The following PPARGC1B variants were observed in gnomAD, a reference collection of about 807,000 sequenced individuals.
PPARGC1B encodes peroxisome proliferator-activated receptor gamma coactivator 1-beta.
A neutral mutation model predicts 101.6 loss-of-function variants in PPARGC1B; 34 were observed. The ratio of observed to expected loss-of-function variants is 0.33; its 90% CI spans 0.25 to 0.45. PPARGC1B has a LOEUF of 0.45. PPARGC1B is among the 20% of genes least tolerant of loss of function. PPARGC1B has a pLI of 1.00. For synonymous variants in PPARGC1B, 548 were observed against 539.3 expected (o/e 1.02, Z -0.22); for missense variants, 1,234 against 1,317.6 (o/e 0.94, Z 0.98).
intron 1 of PPARGC1B, among the ~76,000 whole-genome samples, chr5:149,809,079 C>T (rs372967207): frequency 1.1e-4 from 16 of 151,356 alleles, no homozygotes; most frequent in African/African-American, 2.4e-4. Context: ...AGTTTGAGAC[C>T]GGCCTGGACA....
intron 1 of PPARGC1B, among the ~76,000 whole-genome samples, chr5:149,764,931 A>G (rs563664346): frequency 6.6e-6 from 1 of 152,146 alleles, no homozygotes; most frequent in African/African-American, 2.4e-5. Context: ...CTTAGGAGAG[A>G]GTAGTACCCA....
chr5:149,762,096 G>C (rs1420737060), intron 1 of PPARGC1B, among the ~76,000 whole-genome samples: 1 of 151,810 alleles, frequency 6.6e-6, no homozygotes, highest in Non-Finnish European at 1.5e-5. Context: ...GATGGGATAA[G>C]TGCAAGGGCA....
In PPARGC1B at chr5:149,840,132, G is replaced by A; in HGVS notation, c.2694+16G>A. 1.2e-6 allele frequency: 2 copies of A among 1,605,914 alleles called. No homozygotes were observed. The highest frequency in any genetic ancestry group is 1.1e-5 in the South Asian group (1 of 89,580). On this transcript the variant is annotated intron_variant, in intron 9 of 11. Coordinates refer to ENST00000309241, the MANE Select transcript of PPARGC1B (RefSeq NM_133263.4). ...AAAGGCCATTGTAAGTGATCTGGGG[G>A]CCCAGAGCCTGGAGTGAATGGGAAC...
chr5:149,820,296 C>A (rs1758235763), intron 1 of PPARGC1B, 137 bp from the exon 2 acceptor site: 1 of 777,714 alleles, frequency 1.3e-6, no homozygotes, highest in Non-Finnish European at 2.1e-6. Flanking sequence ...TGAAGCTGAT[C>A]TTTCCATTTC....
In PPARGC1B at chr5:149,830,775, GCTC is replaced by G. The variant is rs1347110511; in HGVS notation, c.480_482del (p.Leu161del). 6.2e-7 allele frequency: 1 copy of G among 1,613,762 alleles called. No individual in the cohort carries two copies. Reference sequence around the variant, plus strand: ...CTCTGCTTTTCCCTCAGCTGCAGAAGCTCCTCCTGGCCACATCCTACCCAACAT... The same window carrying G: ...CTCTGCTTTTCCCTCAGCTGCAGAAGCTCCTGGCCACATCCTACCCAACAT... On this transcript the variant is annotated inframe_deletion, in exon 4 of 12. Transcript: ENST00000309241.
chr5:149,754,774 ATTTTTTT>A (rs10560122), intron 1 of PPARGC1B, among the ~76,000 whole-genome samples: 4 of 68,408 alleles, frequency 5.8e-5, no homozygotes, highest in African/African-American at 2.3e-4. Flanking sequence ...GAGCATCCTG[ATTTTTTT>A]TTTTTTTTTT....
At position 149,833,810 on chromosome 5, in the gene PPARGC1B, G is replaced by A. The variant is rs1341918015; in HGVS notation, c.1705+32G>A. On this transcript the variant is annotated intron_variant, in intron 5 of 11. Coordinates refer to ENST00000309241, the MANE Select transcript of PPARGC1B (RefSeq NM_133263.4). The surrounding 1 kb of genome is among the most constrained non-coding windows in gnomAD (Gnocchi z 4.1). ...AGAGTTGGTGGTCTGCGAAGTGGGG[G>A]CAGGGATGGGGTGCAGCATGCCCCT... is the stretch of plus-strand genomic sequence containing the variant. 6.2e-6 allele frequency: 9 copies of A among 1,457,144 alleles called. No individual in the cohort carries two copies. The highest frequency in any genetic ancestry group is 1.4e-5 in the African/African-American group (1 of 70,936). The allele number at this position is 1,457,144 out of a possible 1,614,324, so 90.3% of individuals were successfully genotyped here.
At position 149,833,857 on chromosome 5, in the gene PPARGC1B, C is replaced by G; in HGVS notation, c.1705+79C>G. The G allele has an allele frequency of 2.1e-6, 3 of 1,421,590 alleles. No individual in the cohort carries two copies. Among genetic ancestry groups the G allele is most frequent in the Non-Finnish European group, 2.7e-6 (3 of 1,092,528 alleles). The allele number at this position is 1,421,590 out of a possible 1,614,324, so 88.1% of individuals were successfully genotyped here. A position where few individuals can be genotyped will look rare whatever the true frequency, so the allele number is the denominator to read the frequency against. On this transcript the variant is annotated intron_variant, in intron 5 of 11. Coordinates refer to ENST00000309241, the MANE Select transcript of PPARGC1B (RefSeq NM_133263.4). This position sits in a 1 kb window ranked among gnomAD's most constrained non-coding sequence, Gnocchi z 4.1. The stretch of plus-strand genomic sequence containing the variant: ...CCCTCTGCACTGGGAGCCAGGAGCC[C>G]TGTGTTCAAGTCCCCGTCCCCCAAC...
In PPARGC1B at chr5:149,755,052, C is replaced by CATATATATATATATATATATAT. The variant is rs1199839991; in HGVS notation, c.78+24653_78+24654insTATATATATATATATATATATA. Among the ~76,000 whole-genome samples the CATATATATATATATATATATAT allele has an allele frequency of 2.5e-3, 269 of 108,828 alleles. 4 individuals are homozygous for CATATATATATATATATATATAT. The highest frequency in any genetic ancestry group is 9.4e-3 in the African/African-American group (248 of 26,516). The allele number at this position is 108,828 out of a possible 152,430, so 71.4% of individuals were successfully genotyped here. On this transcript the variant is annotated intron_variant, in intron 1 of 11. Coordinates refer to ENST00000309241, the MANE Select transcript of PPARGC1B (RefSeq NM_133263.4). ...TACACTACATATACATATACATATA[C>CATATATATATATATATATATAT]ATATATATATATATATATATAATTT...
chr5:149,732,836 CTCCAGG>C (rs1754554272), intron 1 of PPARGC1B: 2 of 479,092 alleles, frequency 4.2e-6, no homozygotes, highest in Admixed American at 4.6e-5. Context: ...GGGCTCCTGA[CTCCAGG>C]TCCTGTGTGT....
chr5:149,731,542 GC>G (rs1194611348), intron 1 of PPARGC1B, among the ~76,000 whole-genome samples: 1 of 151,984 alleles, frequency 6.6e-6, no homozygotes, highest in Non-Finnish European at 1.5e-5. Context: ...GCTCGCGGGG[GC>G]TGGTTTGGTA....
At chr5:149,787,371 C>A (rs9654493) in intron 1 of PPARGC1B, among the ~76,000 whole-genome samples, 32,811 of 152,150 alleles carry the variant, frequency 0.22, 3,885 homozygotes, top group East Asian at 0.37. Flanking sequence ...GGAGGCATTG[C>A]TGTCTGGAAA....
intron 1 of PPARGC1B, among the ~76,000 whole-genome samples, chr5:149,737,746 C>T (rs941723636): frequency 5.9e-5 from 9 of 152,168 alleles, no homozygotes; most frequent in African/African-American, 1.4e-4. Flanking sequence ...GTAATCCCAG[C>T]GCTTTGGGAG....
At chr5:149,826,534 G>A in intron 2 of PPARGC1B, 139 bp from the exon 3 acceptor site, 8 of 672,234 alleles carry the variant, frequency 1.2e-5, no homozygotes, top group Non-Finnish European at 2.1e-5. Flanking sequence ...TGGGTGGGCA[G>A]AGGGGAGGGT....
In PPARGC1B at chr5:149,826,856, C is replaced by T; in HGVS notation, c.436C>T (p.Pro146Ser). Residue 146 changes from proline (P) to serine (S), a missense_variant, in exon 3 of 12, where the codon CCA becomes TCA. Around this residue, in one of 3 missense-constraint regions of PPARGC1B, gnomAD observed 734 missense variants for 768.4 expected, o/e 0.96. Transcript: ENST00000309241. ...CCCTGCCCCGGAGAAGCCCTCGGCCCCAGCCCCTGAGGTGGACGAGCTCTC... is the reference window on the plus strand; with the variant it reads ...CCCTGCCCCGGAGAAGCCCTCGGCCTCAGCCCCTGAGGTGGACGAGCTCTC... ...PSPAPEKPSA[P>S]APEVDELSLL... 2 of 1,613,252 alleles carry T rather than the reference C, an allele frequency of 1.2e-6. No homozygotes were observed. Among genetic ancestry groups the T allele is most frequent in the Non-Finnish European group, 1.7e-6 (2 of 1,179,428 alleles).
chr5:149,810,023 T>C (rs1265608458), intron 1 of PPARGC1B, among the ~76,000 whole-genome samples: 1 of 152,128 alleles, frequency 6.6e-6, no homozygotes, highest in Non-Finnish European at 1.5e-5. Flanking sequence ...ACACAACTGT[T>C]CCAGGAGGGA....
intron 1 of PPARGC1B, among the ~76,000 whole-genome samples, chr5:149,811,095 T>C (rs1346343485): frequency 2.0e-5 from 3 of 152,218 alleles, no homozygotes; most frequent in Non-Finnish European, 2.9e-5. Context: ...CGTTGTCTTT[T>C]AGCGAAGCCA....
At chr5:149,734,661 T>C (rs10060424) in intron 1 of PPARGC1B, among the ~76,000 whole-genome samples, 71,107 of 152,044 alleles carry the variant, frequency 0.47, 17,614 homozygotes, top group African/African-American at 0.64. Context: ...TCCATCAAAC[T>C]CATTCCTGGA....
chr5:149,747,187 G>A (rs1755122594), intron 1 of PPARGC1B, among the ~76,000 whole-genome samples: 2 of 152,156 alleles, frequency 1.3e-5, no homozygotes, highest in South Asian at 4.1e-4. Context: ...ATGTCAGGAA[G>A]CCTTTGCCTG....
Sources: allele counts gnomAD v4.1 joint callset (sites outside exome capture counted in the v4.1 genomes callset), GRCh38; gene constraint gnomAD v4.1.1; regional missense constraint gnomAD v4.1.1; non-coding constraint Gnocchi (gnomAD v3.1); transcripts MANE v1.5; gene names NCBI Gene and HGNC (gene_info 2026-07-23, HGNC 2026-07-21).